Variants in ENTPD6 observed in about 807,000 individuals in gnomAD.
ENTPD6 encodes the protein CD39 antigen-like 2.
ENTPD6 carries 46 observed loss-of-function variants against 61.5 expected under a neutral mutation model. That is an observed-to-expected ratio of 0.75 (90% CI 0.59 to 0.96). ENTPD6 has a LOEUF of 0.96. ENTPD6 is among the 40% of genes least tolerant of loss of function. The pLI is 0.00. For missense variants in ENTPD6, 612 were observed against 629.0 expected, an observed-to-expected ratio of 0.97 and a Z score of 0.29; for synonymous variants, 252 against 255.5, an observed-to-expected ratio of 0.99 and a Z score of 0.13.
chr20:25,200,397 T>G (rs2090938098), intron 1 of ENTPD6, among the ~76,000 whole-genome samples: 1 of 152,238 alleles, frequency 6.6e-6, no homozygotes. Context: ...TGTTGATTGT[T>G]TCTTTTGCTG....
chr20:25,216,541 TTC>T (rs2092321332), intron 7 of ENTPD6, 105 bp from the exon 8 acceptor site: 1 of 746,580 alleles, frequency 1.3e-6, no homozygotes, highest in African/African-American at 1.7e-5. Context: ...GCTGAGCTAC[TTC>T]TCTGTCTTTT....
chr20:25,223,690 T>A (rs1417417199), intron 12 of ENTPD6, among the ~76,000 whole-genome samples: 1 of 151,436 alleles, frequency 6.6e-6, no homozygotes, highest in Admixed American at 6.6e-5. Flanking sequence ...CTCAGTGTAT[T>A]TTTCAAGAAC....
intron 1 of ENTPD6, among the ~76,000 whole-genome samples, chr20:25,200,866 A>T (rs373250961): frequency 5.6e-4 from 75 of 133,398 alleles, no homozygotes; most frequent in African/African-American, 2.0e-3. Context: ...CTTTATGTTT[A>T]GTTTGTTCTT....
chr20:25,197,657 G>GA (rs1392398591), intron 1 of ENTPD6, among the ~76,000 whole-genome samples: 3 of 152,210 alleles, frequency 2.0e-5, no homozygotes, highest in African/African-American at 4.8e-5. Context: ...CAGGTACATG[G>GA]AGATGACCTG....
chr20:25,205,927 G>A (rs760524710), intron 1 of ENTPD6, among the ~76,000 whole-genome samples: 6 of 152,240 alleles, frequency 3.9e-5, no homozygotes, highest in Non-Finnish European at 8.8e-5. Context: ...CTCAGGTAGC[G>A]CAGGTCGCTG....
At chr20:25,214,839 A>G (rs2092222383) in intron 5 of ENTPD6, 28 bp from the exon 6 acceptor site, 2 of 1,218,504 alleles carry the variant, frequency 1.6e-6, no homozygotes, top group Admixed American at 1.7e-5. Flanking sequence ...ATTCTAAAGG[A>G]TGAAGTAACA....
At chr20:25,220,270 C>T (rs774306155) in intron 10 of ENTPD6, among the ~76,000 whole-genome samples, 5 of 152,318 alleles carry the variant, frequency 3.3e-5, no homozygotes, top group Admixed American at 6.5e-5. Context: ...GCAGCACCTC[C>T]GCTGGGGTCC....
chr20:25,206,143 G>A (rs962543483), intron 1 of ENTPD6, among the ~76,000 whole-genome samples: 3 of 152,214 alleles, frequency 2.0e-5, no homozygotes, highest in East Asian at 1.9e-4. Context: ...GATGAAACTG[G>A]CCCCCTTGAG....
At chr20:25,218,652 C>T in intron 10 of ENTPD6, 38 bp downstream of exon 10, 1 of 1,553,036 alleles carries the variant, frequency 6.4e-7, no homozygotes, top group Non-Finnish European at 8.7e-7. Context: ...CTTTCACAGC[C>T]TCTGCCCTCC....
rs138799515 is a variant in ENTPD6 at position 25,217,602 on chromosome 20, G to A, written c.878+21G>A. The A allele has an allele frequency of 1.5e-4, 239 of 1,610,094 alleles. No individual in the cohort carries two copies. In the East Asian group the frequency reaches 3.1e-3, roughly 21 times the overall value. ...TACAGGTCTGCTTTCGGGAACAGGCGTGGGGAGGCGCCATGGGGTGGGTAT... is the reference window on the plus strand; with the variant it reads ...TACAGGTCTGCTTTCGGGAACAGGCATGGGGAGGCGCCATGGGGTGGGTAT... On this transcript the variant is annotated intron_variant, in intron 9 of 14. Transcript: ENST00000376652.
rs1242703469 is a variant in ENTPD6 at position 25,218,456 on chromosome 20, C to T, written c.879-94C>T. On this transcript the variant is annotated intron_variant, in intron 9 of 14. Transcript: ENST00000376652. The stretch of plus-strand genomic sequence containing the variant: ...CTCACTAACTGCCTTGCTGCAAGCT[C>T]CCCCTTCCCCACTCGGGCTGGGTCT... 5.1e-6 allele frequency: 6 copies of T among 1,171,034 alleles called. No homozygotes were observed. The South Asian group carries it at 5.2e-5, about 10-fold the overall frequency. The allele number at this position is 1,171,034 out of a possible 1,614,324, so 72.5% of individuals were successfully genotyped here.
Position 25,213,427 on chromosome 20 carries a change from G to C in ENTPD6, c.597+21G>C, listed in dbSNP as rs370112187. ...AGAAGGTGAGCCTGGCCATTCCCCAGTGCCATTAGCCAGCCCTCAGGGGCA... is the reference window on the plus strand; with the variant it reads ...AGAAGGTGAGCCTGGCCATTCCCCACTGCCATTAGCCAGCCCTCAGGGGCA... On this transcript the variant is annotated intron_variant, in intron 5 of 14. Coordinates refer to ENST00000376652, the MANE Select transcript of ENTPD6 (RefSeq NM_001247.5). The C allele has an allele frequency of 4.4e-6, 7 of 1,587,590 alleles. No individual in the cohort carries two copies. The African/African-American group carries it at 5.4e-5, about 12-fold the overall frequency.
intron 11 of ENTPD6, 50 bp downstream of exon 11, chr20:25,221,383 C>T (rs1441274392): frequency 1.4e-6 from 2 of 1,388,074 alleles, no homozygotes; most frequent in South Asian, 1.2e-5. Context: ...GAGTGGTGGC[C>T]TCCTCTCCCC....
intron 1 of ENTPD6, among the ~76,000 whole-genome samples, chr20:25,205,290 G>C (rs1424973543): frequency 6.6e-6 from 1 of 152,200 alleles, no homozygotes. Context: ...GCATGTGCAG[G>C]TTGGGGGCAT....
In ENTPD6 at chr20:25,207,195, C is replaced by T. The variant is rs771110880; in HGVS notation, c.174C>T (p.Ala58=). The T allele has an allele frequency of 6.2e-7, 1 of 1,614,136 alleles. No individual in the cohort carries two copies. The highest frequency in any genetic ancestry group is 8.5e-7 in the Non-Finnish European group (1 of 1,180,022). ...GLCVGVFIYV[A]YIKWHRATAT... is the part of the protein sequence containing the mutation. The stretch of plus-strand genomic sequence containing the variant: ...GTGTGGGCGTGTTCATCTATGTTGC[C>T]TACATCAAGTGGCACCGGGCCACCG... Residue 58 remains alanine, a synonymous_variant, in exon 3 of 15, where the codon GCC becomes GCT. Transcript: ENST00000376652.
intron 1 of ENTPD6, chr20:25,197,020 G>A (rs2090508709): frequency 4.3e-6 from 4 of 936,030 alleles, no homozygotes; most frequent in Non-Finnish European, 5.1e-6. Context: ...TTCACGCACC[G>A]GTTTTTGCCA....
rs113609652 is a variant in ENTPD6 at position 25,196,967 on chromosome 20, C to T, written c.-16+1100C>T. 2.0e-3 allele frequency: 797 copies of T among 392,342 alleles called. 2 individuals are homozygous for T. Among genetic ancestry groups the T allele is most frequent in the Middle Eastern group, 0.016 (13 of 804 alleles). 24.3% of individuals were successfully genotyped at this position (392,342 alleles called of 1,614,324 possible). ...GATCTGGAAGCGCCTCCCCTCCCAC[C>T]GCCTCCTGTGTAAAGGAAACAGCAG... On this transcript the variant is annotated intron_variant, in intron 1 of 14. Coordinates refer to ENST00000376652, the MANE Select transcript of ENTPD6 (RefSeq NM_001247.5).
chr20:25,199,312 C>T (rs889262932), intron 1 of ENTPD6, among the ~76,000 whole-genome samples: 10 of 152,166 alleles, frequency 6.6e-5, no homozygotes, highest in African/African-American at 2.4e-4. Flanking sequence ...CTGTCTCCTT[C>T]GTTGAGAGAG....
At chr20:25,203,908 C>T (rs896352620) in intron 1 of ENTPD6, among the ~76,000 whole-genome samples, 1 of 152,218 alleles carries the variant, frequency 6.6e-6, no homozygotes, top group East Asian at 1.9e-4. Flanking sequence ...CACCAAATAG[C>T]AGGATCTGCC....
Sources: allele counts gnomAD v4.1 joint callset (sites outside exome capture counted in the v4.1 genomes callset), GRCh38; gene constraint gnomAD v4.1.1; transcripts MANE v1.5; gene names NCBI Gene and HGNC (gene_info 2026-07-23, HGNC 2026-07-21).